NEGR1: variants seen among roughly 807,000 people sequenced by gnomAD.
The protein encoded by NEGR1 is neuronal growth regulator 1.
NEGR1 carries 10 observed loss-of-function variants against 40.9 expected under a neutral mutation model. The observed-to-expected ratio is 0.24, with a 90% CI of 0.15 to 0.42. The LOEUF is 0.42. Ranked by LOEUF, NEGR1 falls within the 10% of genes least tolerant of loss-of-function variation. The probability of loss-of-function intolerance (pLI) is 1.00; values close to 1 mark genes in which losing one functional copy is unlikely to be tolerated. For missense variants in NEGR1, 352 were observed against 438.9 expected (o/e 0.80, Z 1.77); for synonymous variants, 185 against 166.8 (o/e 1.11, Z -0.84).
At chr1:71,543,064 C>T (rs1032812306) in intron 6 of NEGR1, among the ~76,000 whole-genome samples, 2 of 151,692 alleles carry the variant, frequency 1.3e-5, no homozygotes, top group African/African-American at 4.8e-5. Context: ...CTGTCTTTCT[C>T]ACTAGACTGT....
In NEGR1 at chr1:71,404,893, T is replaced by A. The variant is rs1433022822; in HGVS notation, c.*2553A>T. The A allele has an allele frequency of 1.3e-5, 2 of 152,204 alleles. No homozygotes were observed. Among genetic ancestry groups the A allele is most frequent in the East Asian group, 3.9e-4 (2 of 5,184 alleles). 9.4% of individuals were successfully genotyped at this position (152,204 alleles called of 1,614,324 possible). Reference sequence around the variant, plus strand: ...TTATATGTCCATAAATGTAAAATCATCTACTTGAACATTATATGCAATACA... The same window carrying A: ...TTATATGTCCATAAATGTAAAATCAACTACTTGAACATTATATGCAATACA... On this transcript the variant is annotated 3_prime_UTR_variant, in exon 7 of 7. Coordinates refer to ENST00000357731, the MANE Select transcript of NEGR1 (RefSeq NM_173808.3).
chr1:71,755,397 T>C (rs971105119), intron 3 of NEGR1, among the ~76,000 whole-genome samples: 11 of 152,198 alleles, frequency 7.2e-5, no homozygotes, highest in African/African-American at 2.7e-4. Context: ...AAACATCTTC[T>C]AAAAATTAAA....
chr1:71,801,557 A>G (rs1266945745), intron 2 of NEGR1, among the ~76,000 whole-genome samples: 1 of 152,154 alleles, frequency 6.6e-6, no homozygotes, highest in African/African-American at 2.4e-5. Flanking sequence ...AATCATAACT[A>G]GTTTTTCCAA....
chr1:72,269,869 C>T (rs188878549), intron 1 of NEGR1, among the ~76,000 whole-genome samples: 65 of 151,508 alleles, frequency 4.3e-4, no homozygotes, highest in Non-Finnish European at 1.9e-4. Context: ...ATTTAATATG[C>T]CAAATATGTA....
At position 72,008,849 on chromosome 1, in the gene NEGR1, C is replaced by T. The variant is rs180777152; in HGVS notation, c.177-73538G>A. Among the ~76,000 whole-genome samples, 22 of 152,058 alleles carry T rather than the reference C, an allele frequency of 1.4e-4. No homozygotes were observed. The East Asian group carries it at 4.3e-3, about 29-fold the overall frequency. ...ACCCATAGCATGTTAATTGCATACT[C>T]CTAGATTACACCACTGATATTTTTG... is the stretch of plus-strand genomic sequence containing the variant. On this transcript the variant is annotated intron_variant, in intron 1 of 6. Transcript: ENST00000357731.
chr1:72,182,180 T>A (rs1255247710), intron 1 of NEGR1, among the ~76,000 whole-genome samples: 1 of 152,178 alleles, frequency 6.6e-6, no homozygotes, highest in Non-Finnish European at 1.5e-5. Flanking sequence ...ACCTTAAATA[T>A]ACACAATTTG....
At chr1:71,867,479 C>T (rs900425082) in intron 2 of NEGR1, among the ~76,000 whole-genome samples, 7 of 152,134 alleles carry the variant, frequency 4.6e-5, no homozygotes, top group African/African-American at 1.7e-4. Context: ...GGGTTGTTTA[C>T]ATTACAGAAA....
intron 1 of NEGR1, among the ~76,000 whole-genome samples, chr1:72,084,443 C>T (rs2100533067): frequency 6.6e-6 from 1 of 152,290 alleles, no homozygotes; most frequent in African/African-American, 2.4e-5. Flanking sequence ...CTCTAGAACC[C>T]TTAATGCTCT....
Position 72,096,065 on chromosome 1 carries a change from T to C in NEGR1, c.177-160754A>G, listed in dbSNP as rs574381808. ...TTTACGAGGCCTCAAACCCAGTTTG[T>C]AGTACTTTTCTTCTCTCTGTGGACA... On this transcript the variant is annotated intron_variant, in intron 1 of 6. Coordinates refer to ENST00000357731, the MANE Select transcript of NEGR1 (RefSeq NM_173808.3). 7.9e-5 allele frequency among the ~76,000 whole-genome samples: 12 copies of C among 152,276 alleles called. No individual in the cohort carries two copies. The South Asian group carries it at 2.3e-3, about 29-fold the overall frequency.
chr1:72,223,922 A>G (rs951949213), intron 1 of NEGR1, among the ~76,000 whole-genome samples: 3 of 152,126 alleles, frequency 2.0e-5, no homozygotes, highest in African/African-American at 7.2e-5. Context: ...GGAAAGTCTC[A>G]GCACCAATAT....
chr1:71,731,149 A>G (rs907600911), intron 3 of NEGR1, among the ~76,000 whole-genome samples: 1 of 152,158 alleles, frequency 6.6e-6, no homozygotes, highest in Non-Finnish European at 1.5e-5. Flanking sequence ...CATTCTTATT[A>G]ACAACATATT....
At chr1:72,018,051 T>C (rs1407197871) in intron 1 of NEGR1, among the ~76,000 whole-genome samples, 2 of 152,150 alleles carry the variant, frequency 1.3e-5, no homozygotes, top group Non-Finnish European at 2.9e-5. Flanking sequence ...TCTGGCTCAT[T>C]GAAGGCACTG....
chr1:71,704,399 C>T (rs1653816766), intron 3 of NEGR1, among the ~76,000 whole-genome samples: 1 of 151,482 alleles, frequency 6.6e-6, no homozygotes, highest in Admixed American at 6.6e-5. Flanking sequence ...AAATCTTAAC[C>T]AGACTAATAA....
intron 1 of NEGR1, among the ~76,000 whole-genome samples, chr1:71,990,609 A>G (rs1042122067): frequency 2.0e-5 from 3 of 152,100 alleles, no homozygotes; most frequent in Non-Finnish European, 4.4e-5. Context: ...GGTTTCCATC[A>G]TTTACTCCTG....
At position 71,680,836 on chromosome 1, in the gene NEGR1, T is replaced by G. The variant is rs531541910; in HGVS notation, c.667+17172A>C. Among the ~76,000 whole-genome samples, 18 of 152,356 alleles carry G rather than the reference T, an allele frequency of 1.2e-4. No homozygotes were observed. The South Asian group carries it at 3.7e-3, about 32-fold the overall frequency. ...CAATATATTGTATTTGCCTAATATC[T>G]TTTCCTTATAACAGATTTCCATATG... On this transcript the variant is annotated intron_variant, in intron 4 of 6. Coordinates refer to ENST00000357731, the MANE Select transcript of NEGR1 (RefSeq NM_173808.3).
intron 1 of NEGR1, among the ~76,000 whole-genome samples, chr1:72,111,328 T>C (rs1649363766): frequency 6.6e-6 from 1 of 151,678 alleles, no homozygotes; most frequent in South Asian, 2.1e-4. Context: ...ATAAAGAGTA[T>C]TAGCTATTAT....
intron 6 of NEGR1, 103 bp from the exon 7 acceptor site, chr1:71,407,673 T>C (rs544272591): frequency 2.8e-6 from 3 of 1,083,640 alleles, no homozygotes; most frequent in African/African-American, 3.1e-5. Flanking sequence ...AGCACTGACA[T>C]TGGAGTCAGA....
chr1:71,639,208 A>G (rs1276514397), intron 4 of NEGR1, among the ~76,000 whole-genome samples: 4 of 126,308 alleles, frequency 3.2e-5, no homozygotes, highest in South Asian at 2.3e-4. Flanking sequence ...TGTTCAGGGA[A>G]AAAAAAAAAA....
Position 71,690,619 on chromosome 1 carries a change from CAGAGAGAGAGAGAGAGAG to C in NEGR1, c.667+7371_667+7388del, listed in dbSNP as rs59019409. ...ACACACATATATATATAGAGGGAGA[CAGAGAGAGAGAGAGAGAG>C]AGAGAGAGAGAGAGAGAGAGAGAGA... is the stretch of plus-strand genomic sequence containing the variant. On this transcript the variant is annotated intron_variant, in intron 4 of 6. Coordinates refer to ENST00000357731, the MANE Select transcript of NEGR1 (RefSeq NM_173808.3). Among the ~76,000 whole-genome samples, 18 of 67,650 alleles carry C rather than the reference CAGAGAGAGAGAGAGAGAG, an allele frequency of 2.7e-4. No homozygotes were observed. The East Asian group carries it at 4.6e-3, about 17-fold the overall frequency. 44.4% of individuals were successfully genotyped at this position (67,650 alleles called of 152,430 possible).
Sources: gnomAD v4.1 joint callset for allele counts (sites outside exome capture counted in the v4.1 genomes callset) on GRCh38, gnomAD v4.1.1 for gene constraint, MANE v1.5 for transcripts, NCBI Gene and HGNC (gene_info 2026-07-23, HGNC 2026-07-21) for gene names.